Variants in IKZF3 observed in about 807,000 individuals in gnomAD.
The protein encoded by IKZF3 is zinc finger protein Aiolos.
A neutral mutation model predicts 49.0 loss-of-function variants in IKZF3; 10 were observed. The observed-to-expected ratio is 0.20, with a 90% confidence interval of 0.13 to 0.35. The LOEUF is 0.35. IKZF3 is among the 10% of genes least tolerant of loss of function. The pLI is 1.00. For missense variants in IKZF3, 498 were observed against 664.8 expected, an observed-to-expected ratio of 0.75 and a Z score of 2.76; for synonymous variants, 209 against 228.2, an observed-to-expected ratio of 0.92 and a Z score of 0.76.
chr17:39,770,003 T>C (rs1020021746), intron 7 of IKZF3, among the ~76,000 whole-genome samples: 1 of 152,178 alleles, frequency 6.6e-6, no homozygotes, highest in Non-Finnish European at 1.5e-5. Flanking sequence ...GTTAAGGAGA[T>C]GGGGCAGCCT....
Position 39,765,868 on chromosome 17 carries a change from C to T in IKZF3, c.1452G>A (p.Met484Ile). ...HGFRDPFECN[M>I]CGYRSHDRYE... is the part of the protein sequence containing the mutation. ...ACCGATCATGGCTTCGATATCCACA[C>T]ATGTTACACTCGAAAGGGTCACGGA... The change falls in exon 8 of 8, where the codon ATG becomes ATA. Residue 484 changes from methionine to isoleucine, a missense_variant. Around this residue, in one of 3 missense-constraint regions of IKZF3, gnomAD observed 317 missense variants for 397.3 expected, o/e 0.80. Transcript: ENST00000346872. The T allele has an allele frequency of 2.5e-6, 4 of 1,614,242 alleles. No individual in the cohort carries two copies. Among genetic ancestry groups the T allele is most frequent in the Non-Finnish European group, 2.5e-6 (3 of 1,180,046 alleles).
chr17:39,832,154 GAA>G lies in IKZF3; in HGVS notation c.8-5_8-4del. ...CAGTTCCGCATTTGTTTGTATATCT[GAA>G]AAGAAAGAGGTTATAAATATTAGCT... On this transcript the variant is annotated splice_region_variant and splice_polypyrimidine_tract_variant and intron_variant, in intron 1 of 7. Coordinates refer to ENST00000346872, the MANE Select transcript of IKZF3 (RefSeq NM_012481.5). 6.2e-7 allele frequency: 1 copy of G among 1,609,172 alleles called. No homozygotes were observed.
In IKZF3 at chr17:39,765,613, C is replaced by T; in HGVS notation, c.*177G>A. 1 of 551,226 alleles carries T rather than the reference C, an allele frequency of 1.8e-6. No homozygotes were observed. Among genetic ancestry groups the T allele is most frequent in the Non-Finnish European group, 3.2e-6 (1 of 312,396 alleles). The allele number at this position is 551,226 out of a possible 1,614,324, so 34.1% of individuals were successfully genotyped here. The stretch of plus-strand genomic sequence containing the variant: ...TCACAAAAGTAATAATATGCTAGAC[C>T]TGCGAATAATTTCTGAAGGAAGACA... On this transcript the variant is annotated 3_prime_UTR_variant, in exon 8 of 8. Transcript: ENST00000346872.
At chr17:39,861,873 C>T (rs928432110) in intron 1 of IKZF3, among the ~76,000 whole-genome samples, 2 of 152,054 alleles carry the variant, frequency 1.3e-5, no homozygotes, top group African/African-American at 4.8e-5. Flanking sequence ...CTCTTATGTA[C>T]CTTGCTTATA....
intron 1 of IKZF3, among the ~76,000 whole-genome samples, chr17:39,857,171 A>G (rs1568075449): frequency 6.6e-6 from 1 of 152,210 alleles, no homozygotes; most frequent in Admixed American, 6.5e-5. Context: ...GTTGTTATAT[A>G]TTATAAAAAT....
chr17:39,804,072 T>C (rs2061382779), intron 3 of IKZF3, among the ~76,000 whole-genome samples: 1 of 152,178 alleles, frequency 6.6e-6, no homozygotes, highest in Non-Finnish European at 1.5e-5. Flanking sequence ...ACTAGGAGTA[T>C]TTTCAAGGTG....
intron 3 of IKZF3, among the ~76,000 whole-genome samples, chr17:39,801,299 A>T (rs1400477138): frequency 6.8e-6 from 1 of 147,354 alleles, no homozygotes; most frequent in Non-Finnish European, 1.5e-5. Flanking sequence ...TGCTATGCCA[A>T]TTCAGAGATA....
chr17:39,786,606 A>C (rs2060880591), intron 6 of IKZF3, among the ~76,000 whole-genome samples: 1 of 152,092 alleles, frequency 6.6e-6, no homozygotes, highest in South Asian at 2.1e-4. Flanking sequence ...AAACCCAAAT[A>C]TTAGGTTTTT....
At chr17:39,774,437 C>A (rs886874099) in intron 7 of IKZF3, among the ~76,000 whole-genome samples, 1 of 151,686 alleles carries the variant, frequency 6.6e-6, no homozygotes, top group South Asian at 2.1e-4. Context: ...TGAGGTGAGG[C>A]GAGGCAAGGC....
At chr17:39,801,660 T>C (rs1346661676) in intron 3 of IKZF3, among the ~76,000 whole-genome samples, 1 of 152,196 alleles carries the variant, frequency 6.6e-6, no homozygotes, top group Non-Finnish European at 1.5e-5. Flanking sequence ...TGGGTCATTT[T>C]CATTTTCTAA....
chr17:39,862,383 T>C (rs2063237314), intron 1 of IKZF3, among the ~76,000 whole-genome samples: 1 of 152,158 alleles, frequency 6.6e-6, no homozygotes, highest in Non-Finnish European at 1.5e-5. Context: ...TTCTACTTTC[T>C]TACATTGCCA....
intron 6 of IKZF3, among the ~76,000 whole-genome samples, chr17:39,786,368 G>C (rs1214482111): frequency 6.6e-6 from 1 of 152,078 alleles, no homozygotes; most frequent in Non-Finnish European, 1.5e-5. Context: ...TTTCATTCTA[G>C]CTTTAAATAT....
chr17:39,765,683 A>G lies in IKZF3; in HGVS notation c.*107T>C. 1.2e-6 allele frequency: 1 copy of G among 823,522 alleles called. No homozygotes were observed. The highest frequency in any genetic ancestry group is 2.5e-5 in the Admixed American group (1 of 39,368). 51.0% of individuals were successfully genotyped at this position (823,522 alleles called of 1,614,324 possible). On this transcript the variant is annotated 3_prime_UTR_variant, in exon 8 of 8. Transcript: ENST00000346872. ...TGTGAACACAGCTAAAAATGGTATG[A>G]AAAGAAGTTTGGAACTGAGTATGTT...
intron 1 of IKZF3, among the ~76,000 whole-genome samples, chr17:39,846,928 C>T (rs2062650287): frequency 6.6e-6 from 1 of 151,906 alleles, no homozygotes; most frequent in Non-Finnish European, 1.5e-5. Flanking sequence ...AGCTGTCAGG[C>T]ACCAGAGGTG....
At chr17:39,818,880 T>C (rs968622334) in intron 3 of IKZF3, among the ~76,000 whole-genome samples, 1 of 152,166 alleles carries the variant, frequency 6.6e-6, no homozygotes, top group Non-Finnish European at 1.5e-5. Flanking sequence ...AATTAGCGTA[T>C]TCATTTCTTT....
intron 1 of IKZF3, among the ~76,000 whole-genome samples, chr17:39,834,507 G>A (rs542036008): frequency 6.6e-6 from 1 of 152,296 alleles, no homozygotes; most frequent in African/African-American, 2.4e-5. Context: ...TTATTTATAA[G>A]TGTTTAATTT....
At chr17:39,824,861 A>G (rs1006074035) in intron 3 of IKZF3, among the ~76,000 whole-genome samples, 3 of 151,946 alleles carry the variant, frequency 2.0e-5, no homozygotes, top group African/African-American at 7.3e-5. Flanking sequence ...ACACCTGGCT[A>G]ATTTTTTGTA....
At chr17:39,807,922 A>G (rs1420562572) in intron 3 of IKZF3, among the ~76,000 whole-genome samples, 1 of 152,158 alleles carries the variant, frequency 6.6e-6, no homozygotes, top group Non-Finnish European at 1.5e-5. Context: ...AGGGTTTTTT[A>G]GGGTGATGGA....
chr17:39,819,903 C>T (rs935727703), intron 3 of IKZF3, among the ~76,000 whole-genome samples: 2 of 152,078 alleles, frequency 1.3e-5, no homozygotes, highest in African/African-American at 4.8e-5. Flanking sequence ...TCCTGACCTC[C>T]AGAAAAATCC....
Sources: gnomAD v4.1 joint callset for allele counts (sites outside exome capture counted in the v4.1 genomes callset) on GRCh38, gnomAD v4.1.1 for gene constraint, gnomAD v4.1.1 regional missense constraint, MANE v1.5 for transcripts, NCBI Gene and HGNC (gene_info 2026-07-23, HGNC 2026-07-21) for gene names.